Variants in SYNPR observed in about 807,000 individuals in gnomAD.
The protein encoded by SYNPR is synaptoporin.
In SYNPR, 23 loss-of-function variants were observed where a neutral mutation model predicts 32.9. That is an observed-to-expected ratio of 0.70 (90% CI 0.50 to 0.99). The LOEUF (loss-of-function observed/expected upper bound fraction) is 0.99, where lower values mean the gene tolerates loss of function less well. Ranked by LOEUF, SYNPR falls within the 50% of genes least tolerant of loss-of-function variation. SYNPR has a pLI of 0.00. For missense variants in SYNPR, 318 were observed against 349.3 expected (o/e 0.91, Z 0.71); for synonymous variants, 146 against 135.9 (o/e 1.07, Z -0.52).
the SYNPR span, among the ~76,000 whole-genome samples, chr3:63,222,910 G>A: frequency 6.6e-6 from 1 of 152,080 alleles, no homozygotes; most frequent in African/African-American, 2.4e-5. Context: ...CTAGATTTAG[G>A]CATTTGTAAC....
rs370731773 is a variant in SYNPR, at chr3:63,321,085, C to G, written c.84+42343C>G. ...GATGTCATTCTTAACCTAGGGCAGCCTAAGTATTTAGACTACAATTTTAGT... is the reference window on the plus strand; with the variant it reads ...GATGTCATTCTTAACCTAGGGCAGCGTAAGTATTTAGACTACAATTTTAGT... On this transcript the variant is annotated intron_variant, in intron 2 of 5. Coordinates refer to ENST00000478300, the MANE Select transcript of SYNPR (RefSeq NM_001130003.2). Among the ~76,000 whole-genome samples the G allele has an allele frequency of 2.8e-3, 427 of 152,088 alleles. 1 individual carries two copies. Among genetic ancestry groups the G allele is most frequent in the South Asian group, 9.7e-3 (47 of 4,826 alleles).
chr3:63,476,121 G>GGAAGGAAGGAAGGAAGGAAA (rs1559510336), intron 2 of SYNPR, among the ~76,000 whole-genome samples: 4 of 32,160 alleles, frequency 1.2e-4, no homozygotes, highest in Admixed American at 2.4e-4. Context: ...GAGGAAGGAA[G>GGAAGGAAGGAAGGAAGGAAA]GAAGGAAGGA....
intron 3 of SYNPR, among the ~76,000 whole-genome samples, chr3:63,273,073 G>T (rs148252108): frequency 6.6e-6 from 1 of 152,266 alleles, no homozygotes; most frequent in Non-Finnish European, 1.5e-5. Flanking sequence ...AGGGGGAAGA[G>T]ATTTTTTTCT....
chr3:63,252,907 C>G (rs373161352), intron 2 of SYNPR, among the ~76,000 whole-genome samples: 11 of 151,786 alleles, frequency 7.2e-5, no homozygotes, highest in Admixed American at 7.2e-4. Flanking sequence ...GGCATGGTAG[C>G]GCTCGCCTGT....
At chr3:63,504,340 G>C (rs924103649) in intron 3 of SYNPR, among the ~76,000 whole-genome samples, 1 of 152,096 alleles carries the variant, frequency 6.6e-6, no homozygotes, top group Non-Finnish European at 1.5e-5. Context: ...TTTATAAAGA[G>C]ATATTAAGTA....
At chr3:63,439,478 T>C (rs1402150191) in intron 2 of SYNPR, among the ~76,000 whole-genome samples, 4 of 152,194 alleles carry the variant, frequency 2.6e-5, no homozygotes, top group Non-Finnish European at 4.4e-5. Context: ...ATCTGATAAA[T>C]TGGAAGGTTA....
chr3:63,519,786 C>T (rs1417944848), intron 3 of SYNPR, among the ~76,000 whole-genome samples: 2 of 152,042 alleles, frequency 1.3e-5, no homozygotes, highest in East Asian at 1.9e-4. Flanking sequence ...ATTTGTCCCC[C>T]GAAAAAGTAT....
chr3:63,410,740 C>T (rs939680993), intron 2 of SYNPR, among the ~76,000 whole-genome samples: 3 of 152,162 alleles, frequency 2.0e-5, no homozygotes, highest in African/African-American at 7.2e-5. Context: ...GGTTCACCCC[C>T]ACTAGACTTC....
In SYNPR at chr3:63,485,026, G is replaced by C. The variant is rs185098474; in HGVS notation, c.209+4070G>C. On this transcript the variant is annotated intron_variant, in intron 3 of 5. Coordinates refer to ENST00000478300, the MANE Select transcript of SYNPR (RefSeq NM_001130003.2). The stretch of plus-strand genomic sequence containing the variant: ...GTACAAGTTAGGATTTGATCATGCA[G>C]AGTTTGAGATGCTTGTTAGAAGCAC... 1.7e-3 allele frequency among the ~76,000 whole-genome samples: 259 copies of C among 152,278 alleles called. 1 individual carries two copies. Among genetic ancestry groups the C allele is most frequent in the African/African-American group, 5.8e-3 (243 of 41,588 alleles).
At chr3:63,219,506 G>C in the SYNPR span, among the ~76,000 whole-genome samples, 1 of 152,082 alleles carries the variant, frequency 6.6e-6, no homozygotes, top group African/African-American at 2.4e-5. Flanking sequence ...AATGGAGTTA[G>C]GAGTGCTAAC....
chr3:63,487,249 A>G (rs994274134), intron 3 of SYNPR, among the ~76,000 whole-genome samples: 1 of 152,196 alleles, frequency 6.6e-6, no homozygotes, highest in Admixed American at 6.5e-5. Context: ...GACTCTAGAG[A>G]CAGACTACAT....
chr3:63,286,995 T>G (rs1191920678), intron 2 of SYNPR, among the ~76,000 whole-genome samples: 1 of 152,210 alleles, frequency 6.6e-6, no homozygotes, highest in East Asian at 1.9e-4. Context: ...GTGTGAAGTG[T>G]AAGAACTTGA....
chr3:63,254,043 C>A (rs1021460640), intron 2 of SYNPR, among the ~76,000 whole-genome samples: 3 of 152,112 alleles, frequency 2.0e-5, no homozygotes, highest in Non-Finnish European at 4.4e-5. Context: ...TGGAAACCAT[C>A]ATTCTCAGCA....
At chr3:63,279,445 A>T (rs2086607930) in intron 2 of SYNPR, among the ~76,000 whole-genome samples, 1 of 152,126 alleles carries the variant, frequency 6.6e-6, no homozygotes, top group South Asian at 2.1e-4. Flanking sequence ...AGGAAGTTGT[A>T]TTCCACTTCC....
At chr3:63,541,064 T>G (rs950337759) in intron 3 of SYNPR, among the ~76,000 whole-genome samples, 4 of 151,770 alleles carry the variant, frequency 2.6e-5, no homozygotes, top group Non-Finnish European at 5.9e-5. Context: ...GAAGTTTTTC[T>G]CTTGGAGCTG....
chr3:63,210,440 CT>C, the SYNPR span, among the ~76,000 whole-genome samples: 1 of 152,200 alleles, frequency 6.6e-6, no homozygotes, highest in Non-Finnish European at 1.5e-5. Context: ...CAGGACTCTC[CT>C]TTTTGATTCT....
chr3:63,222,011 ATTTTTTTTTTTTT>A, the SYNPR span, among the ~76,000 whole-genome samples: 2 of 56,406 alleles, frequency 3.5e-5, no homozygotes, highest in Non-Finnish European at 6.9e-5. Flanking sequence ...GCCATGCTCA[ATTTTTTTTTTTTT>A]TTTTTTTTTT....
At chr3:63,448,625 T>TG (rs1184986712) in intron 2 of SYNPR, among the ~76,000 whole-genome samples, 2 of 152,092 alleles carry the variant, frequency 1.3e-5, no homozygotes, top group African/African-American at 2.4e-5. Flanking sequence ...TTTTTTTTAA[T>TG]TGGGGGAAGA....
chr3:63,442,546 G>A (rs1234695752), intron 2 of SYNPR, among the ~76,000 whole-genome samples: 5 of 152,164 alleles, frequency 3.3e-5, no homozygotes, highest in Non-Finnish European at 7.3e-5. Context: ...TTGCCTCAAG[G>A]TGCTATGATT....
Sources: allele counts gnomAD v4.1 joint callset (sites outside exome capture counted in the v4.1 genomes callset), GRCh38; gene constraint gnomAD v4.1.1; transcripts MANE v1.5; gene names NCBI Gene and HGNC (gene_info 2026-07-23, HGNC 2026-07-21).